CNTNAP2: variants seen among roughly 807,000 people sequenced by gnomAD.
CNTNAP2 encodes the protein contactin associated protein 2, also known as contactin-associated protein-like 2.
Under a neutral mutation model 155.2 loss-of-function variants are expected in CNTNAP2, and 98 were observed. The ratio of observed to expected loss-of-function variants is 0.63; its 90% CI spans 0.54 to 0.75. The LOEUF is 0.75. CNTNAP2 is among the 30% of genes least tolerant of loss of function. The pLI is 0.00. For synonymous variants in CNTNAP2, 651 were observed against 631.2 expected (o/e 1.03, Z -0.47); for missense variants, 1,727 against 1,688.1 (o/e 1.02, Z -0.40).
At chr7:146,622,577 C>A (rs1369838159) in intron 1 of CNTNAP2, among the ~76,000 whole-genome samples, 1 of 152,058 alleles carries the variant, frequency 6.6e-6, no homozygotes, top group Non-Finnish European at 1.5e-5. Context: ...ATGTATCCAA[C>A]TATAATCAAC....
intron 1 of CNTNAP2, among the ~76,000 whole-genome samples, chr7:146,732,858 G>A (rs1214942141): frequency 5.3e-5 from 8 of 152,008 alleles, no homozygotes; most frequent in Non-Finnish European, 1.2e-4. Context: ...ATTGATAGTT[G>A]CTATATTGTA....
chr7:147,730,450 A>G (rs1424567156), intron 13 of CNTNAP2, among the ~76,000 whole-genome samples: 5 of 152,030 alleles, frequency 3.3e-5, no homozygotes, highest in African/African-American at 4.8e-5. Context: ...TATATCTGTT[A>G]TGGTGATTTG....
At chr7:146,952,711 C>A (rs541045629) in intron 3 of CNTNAP2, among the ~76,000 whole-genome samples, 24 of 152,184 alleles carry the variant, frequency 1.6e-4, no homozygotes, top group Admixed American at 1.2e-3. Flanking sequence ...CCTAAGAATA[C>A]AACTTACAAG....
chr7:146,527,943 A>G (rs1452331181), intron 1 of CNTNAP2, among the ~76,000 whole-genome samples: 1 of 152,158 alleles, frequency 6.6e-6, no homozygotes, highest in Non-Finnish European at 1.5e-5. Flanking sequence ...AACTCCTTAT[A>G]TTACATTTTA....
At chr7:147,499,788 G>GTA (rs1306915488) in intron 11 of CNTNAP2, among the ~76,000 whole-genome samples, 2 of 152,140 alleles carry the variant, frequency 1.3e-5, no homozygotes, top group Non-Finnish European at 2.9e-5. Flanking sequence ...CTCTTCATCT[G>GTA]TATATAAGAT....
At chr7:146,832,385 A>G (rs1399331733) in intron 2 of CNTNAP2, among the ~76,000 whole-genome samples, 1 of 151,478 alleles carries the variant, frequency 6.6e-6, no homozygotes, top group Admixed American at 6.6e-5. Context: ...GACTTACCCT[A>G]GAAACTTCCA....
chr7:146,590,848 C>T (rs1049694083), intron 1 of CNTNAP2, among the ~76,000 whole-genome samples: 6 of 152,312 alleles, frequency 3.9e-5, no homozygotes, highest in Non-Finnish European at 7.3e-5. Flanking sequence ...TCTTTAACAG[C>T]TGATACAGGT....
chr7:147,646,085 G>A (rs1028915339), intron 13 of CNTNAP2, among the ~76,000 whole-genome samples: 2 of 152,208 alleles, frequency 1.3e-5, no homozygotes, highest in Non-Finnish European at 2.9e-5. Flanking sequence ...AGTGCACATG[G>A]ACTGCATGTC....
chr7:147,788,895 T>C (rs1409437142), intron 13 of CNTNAP2, among the ~76,000 whole-genome samples: 1 of 136,918 alleles, frequency 7.3e-6, no homozygotes, highest in African/African-American at 2.9e-5. Flanking sequence ...TTTTTTTTTC[T>C]TTTTCTTTTT....
intron 9 of CNTNAP2, among the ~76,000 whole-genome samples, chr7:147,393,138 G>T (rs757684407): frequency 9.9e-5 from 15 of 151,982 alleles, no homozygotes; most frequent in Non-Finnish European, 2.2e-4. Context: ...AGGGTGTGAA[G>T]TCAGGAGCCA....
chr7:147,395,876 G>GA (rs1237652853), intron 10 of CNTNAP2, 96 bp downstream of exon 10: 22 of 1,387,520 alleles, frequency 1.6e-5, no homozygotes, highest in Non-Finnish European at 2.2e-5. Flanking sequence ...GAAAATTAAA[G>GA]TTAAAAACAG....
intron 11 of CNTNAP2, among the ~76,000 whole-genome samples, chr7:147,492,772 G>C (rs1225807726): frequency 2.0e-5 from 3 of 152,180 alleles, no homozygotes; most frequent in Non-Finnish European, 4.4e-5. Flanking sequence ...AGAAGGTGAA[G>C]TCAGCTTTTC....
At chr7:147,901,285 T>G (rs1479932127) in intron 13 of CNTNAP2, among the ~76,000 whole-genome samples, 1 of 152,218 alleles carries the variant, frequency 6.6e-6, no homozygotes, top group Non-Finnish European at 1.5e-5. Context: ...GTTGATCTTT[T>G]GAAACACAAA....
intron 3 of CNTNAP2, among the ~76,000 whole-genome samples, chr7:146,878,309 G>T (rs145648570): frequency 4.6e-5 from 7 of 151,952 alleles, no homozygotes; most frequent in Non-Finnish European, 1.0e-4. Flanking sequence ...GAGAGGGGAA[G>T]GAAGAAAGTG....
chr7:146,347,059 C>T (rs1414504252), intron 1 of CNTNAP2, among the ~76,000 whole-genome samples: 2 of 143,604 alleles, frequency 1.4e-5, no homozygotes, highest in Non-Finnish European at 3.0e-5. Flanking sequence ...TCCTATAGTT[C>T]GTAAGCAGCC....
intron 1 of CNTNAP2, among the ~76,000 whole-genome samples, chr7:146,589,744 T>TAA (rs397765110): frequency 3.4e-4 from 51 of 148,862 alleles, no homozygotes; most frequent in East Asian, 1.6e-3. Flanking sequence ...ATGTAGAGTA[T>TAA]AAAAAAAAAA....
chr7:147,486,200 T>A (rs976193012), intron 11 of CNTNAP2, among the ~76,000 whole-genome samples, 159 bp downstream of exon 11: 25 of 144,974 alleles, frequency 1.7e-4, no homozygotes, highest in African/African-American at 5.4e-4. Flanking sequence ...AAAAAAAAAA[T>A]AAAATACACT....
intron 10 of CNTNAP2, among the ~76,000 whole-genome samples, chr7:147,464,083 G>T (rs1262625314): frequency 6.6e-6 from 1 of 151,560 alleles, no homozygotes; most frequent in Admixed American, 6.6e-5. Flanking sequence ...TGGTGAATAA[G>T]AATTATTTAA....
At chr7:146,286,022 GTC>G (rs1479062730) in intron 1 of CNTNAP2, among the ~76,000 whole-genome samples, 9 of 99,918 alleles carry the variant, frequency 9.0e-5, no homozygotes, top group South Asian at 4.0e-4. Context: ...GTGTGTGTGT[GTC>G]TCTGCCTGTC....
Sources: gnomAD v4.1 joint callset for allele counts (sites outside exome capture counted in the v4.1 genomes callset) on GRCh38, gnomAD v4.1.1 for gene constraint, MANE v1.5 for transcripts, NCBI Gene and HGNC (gene_info 2026-07-23, HGNC 2026-07-21) for gene names.